DDX10: variants seen among roughly 807,000 people sequenced by gnomAD.
DDX10 encodes the protein DEAD-box helicase 10, also known as probable ATP-dependent RNA helicase DDX10.
A neutral mutation model predicts 104.3 loss-of-function variants in DDX10; 74 were observed. The observed-to-expected ratio is 0.71, with a 90% CI of 0.59 to 0.86. The LOEUF is 0.86. DDX10 is among the 40% of genes least tolerant of loss of function. DDX10 has a pLI of 0.00. For missense variants in DDX10, 952 were observed against 1,040.0 expected (o/e 0.92, Z 1.16); for synonymous variants, 351 against 353.4 (o/e 0.99, Z 0.08).
intron 11 of DDX10, 108 bp from the exon 12 acceptor site, chr11:108,719,689 G>T (rs1464566798): frequency 8.0e-6 from 5 of 627,116 alleles, no homozygotes; most frequent in South Asian, 4.4e-5. Context: ...CTATTTCGTG[G>T]TTTTTCAGTA....
intron 16 of DDX10, among the ~76,000 whole-genome samples, chr11:108,915,359 T>G (rs139289802): frequency 6.6e-5 from 10 of 151,994 alleles, no homozygotes; most frequent in African/African-American, 2.4e-4. Flanking sequence ...AAACTTGTAT[T>G]CACCAATATT....
chr11:108,876,305 G>T (rs1050861327), intron 16 of DDX10, among the ~76,000 whole-genome samples: 1 of 151,942 alleles, frequency 6.6e-6, no homozygotes, highest in Non-Finnish European at 1.5e-5. Context: ...GTTATTTTCT[G>T]TCATCAAATG....
intron 13 of DDX10, among the ~76,000 whole-genome samples, chr11:108,748,849 G>A (rs186544316): frequency 1.3e-5 from 2 of 151,746 alleles, no homozygotes; most frequent in Non-Finnish European, 2.9e-5. Flanking sequence ...CCTGCCTAAT[G>A]TTTTTAAATG....
chr11:108,815,191 A>T (rs1315621345), intron 13 of DDX10, among the ~76,000 whole-genome samples: 3 of 152,100 alleles, frequency 2.0e-5, no homozygotes, highest in Admixed American at 2.0e-4. Flanking sequence ...TGGTTTATAT[A>T]CTCCTGGGTC....
chr11:108,672,198 T>G (rs2094218048), intron 1 of DDX10, among the ~76,000 whole-genome samples: 1 of 152,184 alleles, frequency 6.6e-6, no homozygotes, highest in African/African-American at 2.4e-5. Flanking sequence ...AAGATAGATG[T>G]GCTGTGCAAT....
intron 1 of DDX10, among the ~76,000 whole-genome samples, chr11:108,666,373 G>A (rs144296734): frequency 3.9e-5 from 6 of 152,158 alleles, no homozygotes; most frequent in South Asian, 4.2e-4. Context: ...CCAGCTACTC[G>A]GGAGGCTGAG....
intron 13 of DDX10, among the ~76,000 whole-genome samples, chr11:108,783,292 A>G (rs560982733): frequency 4.3e-4 from 66 of 152,340 alleles, no homozygotes; most frequent in African/African-American, 1.5e-3. Flanking sequence ...ATGAAGACTT[A>G]AAATGGGCCA....
At chr11:108,724,891 A>G (rs2094303207) in intron 13 of DDX10, among the ~76,000 whole-genome samples, 1 of 152,070 alleles carries the variant, frequency 6.6e-6, no homozygotes, top group South Asian at 2.1e-4. Flanking sequence ...CTAACTCTTT[A>G]ATATATACAG....
chr11:108,825,107 T>G (rs1862378094), intron 13 of DDX10, among the ~76,000 whole-genome samples: 1 of 152,196 alleles, frequency 6.6e-6, no homozygotes, highest in South Asian at 2.1e-4. Context: ...CTAGACTAAT[T>G]GCAGGCACAG....
intron 14 of DDX10, 125 bp downstream of exon 14, chr11:108,838,690 T>G: frequency 9.1e-7 from 1 of 1,099,024 alleles, no homozygotes; most frequent in Non-Finnish European, 1.3e-6. Context: ...GGGCCATTCC[T>G]TTCACTGTTA....
At chr11:108,831,536 G>GT (rs998283754) in intron 13 of DDX10, among the ~76,000 whole-genome samples, 1 of 151,178 alleles carries the variant, frequency 6.6e-6, no homozygotes, top group Non-Finnish European at 1.5e-5. Context: ...TATTTTGTTG[G>GT]TTTACTTCAC....
intron 13 of DDX10, among the ~76,000 whole-genome samples, chr11:108,747,711 A>C (rs1420342567): frequency 1.3e-5 from 2 of 152,098 alleles, no homozygotes; most frequent in Non-Finnish European, 2.9e-5. Flanking sequence ...TTAGTGCCCT[A>C]TCTGATCTTC....
At chr11:108,700,106 A>T (rs1388449728) in intron 9 of DDX10, among the ~76,000 whole-genome samples, 2 of 152,156 alleles carry the variant, frequency 1.3e-5, no homozygotes, top group Non-Finnish European at 2.9e-5. Context: ...ATCTGTCATT[A>T]ATATGTTTTC....
Position 108,723,088 on chromosome 11 carries a change from A to C in DDX10, c.1591A>C (p.Lys531Gln). The C allele has an allele frequency of 1.2e-6, 2 of 1,613,924 alleles. No individual in the cohort carries two copies. Among genetic ancestry groups the C allele is most frequent in the Non-Finnish European group, 1.7e-6 (2 of 1,179,888 alleles). Reference protein sequence around the residue: ...TKELVRSQADKVIEPRAPSLT... With the variant: ...TKELVRSQADQVIEPRAPSLT... The stretch of plus-strand genomic sequence containing the variant: ...AGAATTGGTAAGGAGCCAAGCCGAT[A>C]AAGTAATTGAGCCAAGGGCTCCCTC... Residue 531 changes from lysine to glutamine, a missense_variant, in exon 13 of 18, where the codon AAA becomes CAA. Transcript: ENST00000322536.
intron 13 of DDX10, among the ~76,000 whole-genome samples, chr11:108,733,433 A>AT (rs1217133678): frequency 1.3e-5 from 2 of 152,098 alleles, no homozygotes; most frequent in East Asian, 3.9e-4. Context: ...ACATCTATCA[A>AT]TTTTTTTATA....
chr11:108,897,068 ACTT>A (rs558502806), intron 16 of DDX10, among the ~76,000 whole-genome samples: 11 of 152,214 alleles, frequency 7.2e-5, no homozygotes, highest in African/African-American at 2.6e-4. Context: ...TGGCTTTTTA[ACTT>A]CTTTAAACTG....
At position 108,723,523 on chromosome 11, in the gene DDX10, C is replaced by G. The variant is rs2094301488; in HGVS notation, c.1965+61C>G. On this transcript the variant is annotated intron_variant, in intron 13 of 17. Transcript: ENST00000322536. ...TTGTCTTACTATGTGCTTATTGTTG[C>G]CTTTTGGGGACTGAGAGAAAGTGAA... 3 of 1,483,700 alleles carry G rather than the reference C, an allele frequency of 2.0e-6. No homozygotes were observed. The Admixed American group carries it at 7.4e-5, about 37-fold the overall frequency. The allele number at this position is 1,483,700 out of a possible 1,614,324, so 91.9% of individuals were successfully genotyped here. A position where few individuals can be genotyped will look rare whatever the true frequency, so the allele number is the denominator to read the frequency against.
At chr11:108,688,849 C>T in intron 6 of DDX10, 87 bp from the exon 7 acceptor site, 1 of 1,431,920 alleles carries the variant, frequency 7.0e-7, no homozygotes, top group East Asian at 2.3e-5. Flanking sequence ...AGATGTGCCA[C>T]TATTAAAACT....
At chr11:108,923,355 G>A (rs1016421326) in intron 17 of DDX10, among the ~76,000 whole-genome samples, 2 of 152,158 alleles carry the variant, frequency 1.3e-5, no homozygotes, top group African/African-American at 2.4e-5. Context: ...ATTTCAAATA[G>A]TCCATACAAT....
Sources: gnomAD v4.1 joint callset for allele counts (sites outside exome capture counted in the v4.1 genomes callset) on GRCh38, gnomAD v4.1.1 for gene constraint, MANE v1.5 for transcripts, NCBI Gene and HGNC (gene_info 2026-07-23, HGNC 2026-07-21) for gene names.